FAT1: variants seen among roughly 807,000 people sequenced by gnomAD.
FAT1 encodes FAT atypical cadherin 1, also known as protocadherin Fat 1.
Under a neutral mutation model 329.8 loss-of-function variants are expected in FAT1, and 171 were observed. The observed-to-expected ratio is 0.52, with a 90% CI of 0.46 to 0.59. FAT1 has a LOEUF of 0.59. Among genes scored for constraint, FAT1 ranks in the 20% least tolerant of loss-of-function variants. FAT1 has a pLI of 0.00. For synonymous variants in FAT1, 2,233 were observed against 2,228.6 expected (o/e 1.00, Z -0.06); for missense variants, 5,672 against 5,774.4 (o/e 0.98, Z 0.57).
At chr4:186,677,215 C>T (rs1743001654) in intron 2 of FAT1, among the ~76,000 whole-genome samples, 1 of 152,172 alleles carries the variant, frequency 6.6e-6, no homozygotes, top group Non-Finnish European at 1.5e-5. Flanking sequence ...TTCTAATACC[C>T]AATTTGTTGC....
At chr4:186,638,325 G>C (rs1740931320) in intron 4 of FAT1, among the ~76,000 whole-genome samples, 1 of 152,154 alleles carries the variant, frequency 6.6e-6, no homozygotes, top group South Asian at 2.1e-4. Flanking sequence ...AGTGACGTAT[G>C]CAATTAATGT....
In FAT1 at chr4:186,609,331, C is replaced by T. The variant is rs1739285809; in HGVS notation, c.10069-11G>A. On this transcript the variant is annotated splice_polypyrimidine_tract_variant and intron_variant, in intron 15 of 26. Coordinates refer to ENST00000441802, the MANE Select transcript of FAT1 (RefSeq NM_005245.4). Reference sequence around the variant, plus strand: ...ATCATCGGCCATAACCTAGAACACACCACACTCCTGTTTAGGAGACAGCTA... The same window carrying T: ...ATCATCGGCCATAACCTAGAACACATCACACTCCTGTTTAGGAGACAGCTA... The T allele has an allele frequency of 1.9e-6, 3 of 1,612,330 alleles. No individual in the cohort carries two copies. The highest frequency in any genetic ancestry group is 1.7e-6 in the Non-Finnish European group (2 of 1,179,306).
intron 1 of FAT1, among the ~76,000 whole-genome samples, chr4:186,718,195 C>T (rs1014188307): frequency 1.4e-4 from 22 of 152,110 alleles, no homozygotes; most frequent in African/African-American, 5.3e-4. Context: ...ATCTTCCCTC[C>T]TCCTCTTAAA....
In FAT1 at chr4:186,628,375, T is replaced by C. The variant is rs766019067; in HGVS notation, c.4600-11A>G. ...ATCTTGATCTCGTACCTAAAAAGAA[T>C]TGACACATTATCAATCCCATTGGTG... On this transcript the variant is annotated splice_polypyrimidine_tract_variant and intron_variant, in intron 8 of 26. Coordinates refer to ENST00000441802, the MANE Select transcript of FAT1 (RefSeq NM_005245.4). 53 of 1,611,446 alleles carry C rather than the reference T, an allele frequency of 3.3e-5. No individual in the cohort carries two copies. The highest frequency in any genetic ancestry group is 3.6e-5 in the Non-Finnish European group (43 of 1,178,466).
chr4:186,686,238 A>AC (rs3083333), intron 2 of FAT1, among the ~76,000 whole-genome samples: 74,778 of 138,938 alleles, frequency 0.54, 20,970 homozygotes, highest in Non-Finnish European at 0.65. Flanking sequence ...GAGAATTTTC[A>AC]CCCCCCCCCG....
chr4:186,606,342 G>T, intron 16 of FAT1, 129 bp from the exon 17 acceptor site: 1 of 895,286 alleles, frequency 1.1e-6, no homozygotes, highest in Non-Finnish European at 1.7e-6. Flanking sequence ...CATCCTGCCT[G>T]TGAGCGATGC....
At chr4:186,688,735 C>CTTAAGCT (rs1448190242) in intron 2 of FAT1, among the ~76,000 whole-genome samples, 2 of 138,750 alleles carry the variant, frequency 1.4e-5, no homozygotes, top group Non-Finnish European at 3.0e-5. Context: ...AACATATTTA[C>CTTAAGCT]TTAAGCTTCA....
Position 186,636,728 on chromosome 4 carries a change from T to C in FAT1, c.3829A>G (p.Thr1277Ala), listed in dbSNP as rs1391378491. 3 of 1,613,878 alleles carry C rather than the reference T, an allele frequency of 1.9e-6. No homozygotes were observed. Among genetic ancestry groups the C allele is most frequent in the Non-Finnish European group, 2.5e-6 (3 of 1,179,866 alleles). The change falls in exon 5 of 27, where the codon ACC becomes GCC. Residue 1277 changes from threonine to alanine, a missense_variant. Thr to Ala is a moderately conservative substitution (Grantham distance 58). This residue lies in a region of FAT1 where 3,966 missense variants were observed against 3,915.2 expected (regional missense o/e 1.01). Coordinates refer to ENST00000441802, the MANE Select transcript of FAT1 (RefSeq NM_005245.4). Reference sequence around the variant, plus strand: ...GCATTGGGGCCCTCATCCTTGTCGGTGGCTATGACGTGATAGAGCGGCTCC... The same window carrying C: ...GCATTGGGGCCCTCATCCTTGTCGGCGGCTATGACGTGATAGAGCGGCTCC... ...RREPLYHVIA[T>A]DKDEGPNAEI...
intron 9 of FAT1, among the ~76,000 whole-genome samples, chr4:186,625,776 G>A (rs1740273877): frequency 6.6e-6 from 1 of 152,242 alleles, no homozygotes; most frequent in African/African-American, 2.4e-5. Context: ...CTAAAGCAAC[G>A]TGACTTCTGA....
chr4:186,620,415 A>T lies in FAT1; in HGVS notation c.6171T>A (p.His2057Gln), dbSNP rs1301395406. Residue 2057 changes from histidine (H) to glutamine (Q), a missense_variant, in exon 10 of 27, where the codon CAT (histidine) becomes CAA (glutamine). Coordinates refer to ENST00000441802, the MANE Select transcript of FAT1 (RefSeq NM_005245.4). The stretch of plus-strand genomic sequence containing the variant: ...CAACGTGGGCCACTGCAGAAGGCTT[A>T]TGTTCCTCTGTCACTTCTACAACCA... The part of the protein sequence containing the change: ...FDVVVEVTEE[H>Q]KPSAVAHVVV... 6.2e-7 allele frequency: 1 copy of T among 1,614,016 alleles called. No homozygotes were observed. The highest frequency in any genetic ancestry group is 2.2e-5 in the East Asian group (1 of 44,880).
At chr4:186,646,225 G>C (rs1366530664) in intron 3 of FAT1, among the ~76,000 whole-genome samples, 1 of 152,026 alleles carries the variant, frequency 6.6e-6, no homozygotes. Context: ...TACTCTACTA[G>C]AGAATAAGCA....
At chr4:186,705,210 C>G (rs954737240) in intron 2 of FAT1, among the ~76,000 whole-genome samples, 1 of 151,374 alleles carries the variant, frequency 6.6e-6, no homozygotes, top group African/African-American at 2.4e-5. Context: ...TCCCAAAGTG[C>G]TGCGATTACA....
In FAT1 at chr4:186,619,960, G is replaced by A. The variant is rs748292089; in HGVS notation, c.6626C>T (p.Pro2209Leu). 6.8e-6 allele frequency: 11 copies of A among 1,613,820 alleles called. No homozygotes were observed. Among genetic ancestry groups the A allele is most frequent in the Admixed American group, 5.0e-5 (3 of 60,002 alleles). ...SPVVHVQANSPEGLKVFYSIT... is the reference protein window; with the variant it reads ...SPVVHVQANSLEGLKVFYSIT... ...GCTGTAGAACACTTTCAGGCCTTCC[G>A]GGCTGTTAGCCTGCACGTGGACCAC... The change falls in exon 10 of 27, where the codon CCG becomes CTG. Residue 2209 changes from proline to leucine, a missense_variant. By Grantham distance (98) the Pro-to-Leu change is moderately conservative (BLOSUM62 -3). Around this residue, in one of 2 missense-constraint regions of FAT1, gnomAD observed 3,966 missense variants for 3,915.2 expected, o/e 1.01. Transcript: ENST00000441802.
At chr4:186,715,083 CAAAA>C (rs11433462) in intron 1 of FAT1, among the ~76,000 whole-genome samples, 3 of 148,772 alleles carry the variant, frequency 2.0e-5, no homozygotes, top group African/African-American at 7.4e-5. Flanking sequence ...GTCTCAAAAA[CAAAA>C]AAAAAAGTAC....
chr4:186,616,925 C>T (rs1345149929), intron 11 of FAT1, 80 bp downstream of exon 11: 1 of 1,274,850 alleles, frequency 7.8e-7, no homozygotes, highest in Non-Finnish European at 1.1e-6. Flanking sequence ...AATTACACCA[C>T]AGCGCCAAAT....
At chr4:186,691,266 C>T (rs1321106308) in intron 2 of FAT1, among the ~76,000 whole-genome samples, 3 of 152,180 alleles carry the variant, frequency 2.0e-5, no homozygotes, top group African/African-American at 7.2e-5. Context: ...ACAGAGTACA[C>T]CGTGCTGATT....
intron 3 of FAT1, among the ~76,000 whole-genome samples, chr4:186,641,110 G>A (rs903450160): frequency 6.6e-6 from 1 of 152,234 alleles, no homozygotes; most frequent in Admixed American, 6.5e-5. Flanking sequence ...AGCAATAAGT[G>A]AAAGGCTTGT....
At chr4:186,639,576 T>C (rs1741000042) in intron 4 of FAT1, 146 bp downstream of exon 4, 4 of 594,128 alleles carry the variant, frequency 6.7e-6, no homozygotes, top group Admixed American at 6.3e-5. Flanking sequence ...TTTCCTTATA[T>C]TCCTTTTTCC....
intron 3 of FAT1, among the ~76,000 whole-genome samples, chr4:186,656,868 A>G (rs1741925931): frequency 6.6e-6 from 1 of 152,244 alleles, no homozygotes; most frequent in South Asian, 2.1e-4. Flanking sequence ...CAGTACATAC[A>G]TATTGATGGC....
Sources: gnomAD v4.1 joint callset for allele counts (sites outside exome capture counted in the v4.1 genomes callset) on GRCh38, gnomAD v4.1.1 for gene constraint, gnomAD v4.1.1 regional missense constraint, MANE v1.5 for transcripts, NCBI Gene and HGNC (gene_info 2026-07-23, HGNC 2026-07-21) for gene names.